Variants in CYP2C8 observed in about 807,000 individuals in gnomAD.
CYP2C8 encodes the protein cytochrome P450 2C8.
Under a neutral mutation model 41.3 loss-of-function variants are expected in CYP2C8, and 51 were observed. The ratio of observed to expected loss-of-function variants is 1.24; its 90% CI spans 0.99 to 1.56. The LOEUF (loss-of-function observed/expected upper bound fraction) is 1.56, where lower values mean the gene tolerates loss of function less well. Among genes scored for constraint, CYP2C8 ranks in the 40% most tolerant of loss-of-function variants. The probability of loss-of-function intolerance (pLI) is 0.00; values close to 1 mark genes in which losing one functional copy is unlikely to be tolerated. For synonymous variants in CYP2C8, 218 were observed against 205.8 expected (o/e 1.06, Z -0.51); for missense variants, 651 against 579.9 (o/e 1.12, Z -1.26).
chr10:95,062,339 A>T (rs2033454787), intron 4 of CYP2C8, among the ~76,000 whole-genome samples: 1 of 152,172 alleles, frequency 6.6e-6, no homozygotes, highest in Non-Finnish European at 1.5e-5. Context: ...TTGGGTGCAT[A>T]TATATTTAGG....
chr10:95,049,513 G>A (rs2033175038), intron 5 of CYP2C8, among the ~76,000 whole-genome samples: 1 of 152,068 alleles, frequency 6.6e-6, no homozygotes, highest in African/African-American at 2.4e-5. Context: ...AGGAAAACAG[G>A]CCCAAAATCA....
intron 1 of CYP2C8, 110 bp from the exon 2 acceptor site, chr10:95,067,801 C>T (rs1266391591): frequency 4.4e-6 from 5 of 1,138,172 alleles, no homozygotes; most frequent in Middle Eastern, 2.0e-4. Context: ...ATATTTGCCA[C>T]ACATAGATTC....
At chr10:95,067,947 C>G (rs1364068310) in intron 1 of CYP2C8, among the ~76,000 whole-genome samples, 1 of 152,200 alleles carries the variant, frequency 6.6e-6, no homozygotes, top group Admixed American at 6.5e-5. Flanking sequence ...TCAACACATT[C>G]AGCACATTCA....
Position 95,039,033 on chromosome 10 carries a change from T to A in CYP2C8, c.1155A>T (p.Thr385=). 1 of 1,613,612 alleles carries A rather than the reference T, an allele frequency of 6.2e-7. No individual in the cohort carries two copies. Among genetic ancestry groups the A allele is most frequent in the Non-Finnish European group, 8.5e-7 (1 of 1,179,484 alleles). Residue 385 remains threonine (T), a synonymous_variant, in exon 8 of 9, where the codon ACA becomes ACT. Coordinates refer to ENST00000371270, the MANE Select transcript of CYP2C8 (RefSeq NM_000770.3). ...CGGAAGTCAGTAATGCCATTATGGT[T>A]GTGCCCTGGAAGTAACAAAACAGAT... ...KFRNYLIPKG[T]TIMALLTSVL...
chr10:95,049,294 A>C (rs11572136), intron 5 of CYP2C8, among the ~76,000 whole-genome samples: 6,514 of 152,272 alleles, frequency 0.043, 177 homozygotes, highest in Non-Finnish European at 0.063. Context: ...TACCTTCATA[A>C]GAACCAAAAT....
chr10:95,061,660 G>T (rs922183809), intron 4 of CYP2C8, among the ~76,000 whole-genome samples: 4 of 152,108 alleles, frequency 2.6e-5, no homozygotes, highest in African/African-American at 9.7e-5. Context: ...TCTGATCTTA[G>T]TTATTTCTTG....
intron 3 of CYP2C8, among the ~76,000 whole-genome samples, chr10:95,066,153 A>AGAGAGAGAGAGAGAGAGAGT (rs1342809282): frequency 1.1e-5 from 1 of 88,286 alleles, no homozygotes; most frequent in Non-Finnish European, 2.3e-5. Context: ...AGAGAGAGAG[A>AGAGAGAGAGAGAGAGAGAGT]GTGTGTGTGT....
intron 6 of CYP2C8, 83 bp from the exon 7 acceptor site, chr10:95,043,160 T>C: frequency 1.5e-6 from 2 of 1,300,174 alleles, no homozygotes; most frequent in South Asian, 1.2e-5. Context: ...ATTAACATGA[T>C]ATAAAAATCC....
intron 2 of CYP2C8, 25 bp downstream of exon 2, chr10:95,067,504 C>A: frequency 6.2e-7 from 1 of 1,614,120 alleles, no homozygotes; most frequent in South Asian, 1.1e-5. Flanking sequence ...GTTACCAAAG[C>A]TGACACAGAA....
intron 4 of CYP2C8, among the ~76,000 whole-genome samples, chr10:95,060,985 G>A (rs150502218): frequency 6.6e-6 from 1 of 152,158 alleles, no homozygotes; most frequent in African/African-American, 2.4e-5. Flanking sequence ...GCATCCCAGG[G>A]ATGATGCCCA....
At chr10:95,040,996 C>T in intron 7 of CYP2C8, 2 of 456,046 alleles carry the variant, frequency 4.4e-6, no homozygotes, top group South Asian at 3.1e-5. Context: ...AAATTGCAGA[C>T]CAAAATATCT....
chr10:95,058,329 T>C lies in CYP2C8; in HGVS notation c.819+6A>G. ...TCAAAATACTGATCTGTTGCTAATATCTTACCTGCTCCATTTTGATCAGGA... is the reference window on the plus strand; with the variant it reads ...TCAAAATACTGATCTGTTGCTAATACCTTACCTGCTCCATTTTGATCAGGA... On this transcript the variant is annotated splice_donor_region_variant and intron_variant, in intron 5 of 8. Transcript: ENST00000371270. The C allele has an allele frequency of 6.2e-7, 1 of 1,612,798 alleles. No individual in the cohort carries two copies.
chr10:95,048,423 A>G (rs1210144812), intron 5 of CYP2C8, among the ~76,000 whole-genome samples: 3 of 152,174 alleles, frequency 2.0e-5, no homozygotes, highest in Non-Finnish European at 4.4e-5. Context: ...AGCAGGTGCA[A>G]GCACCACCTC....
chr10:95,067,422 G>A lies in CYP2C8; in HGVS notation c.332-65C>T, dbSNP rs11572075. 6.6e-4 allele frequency: 1,067 copies of A among 1,612,176 alleles called. 5 individuals carry two copies. In the African/African-American group the frequency reaches 0.012, roughly 18 times the overall value. On this transcript the variant is annotated intron_variant, in intron 2 of 8. Coordinates refer to ENST00000371270, the MANE Select transcript of CYP2C8 (RefSeq NM_000770.3). Reference sequence around the variant, plus strand: ...CAAGGAAGAAAGTGCTGCAACACTTGGCAGCCATGCAGATAGGCTAAGCTC... The same window carrying A: ...CAAGGAAGAAAGTGCTGCAACACTTAGCAGCCATGCAGATAGGCTAAGCTC...
At position 95,037,196 on chromosome 10, in the gene CYP2C8, TA is replaced by T; in HGVS notation, c.1404del (p.Asn468LysfsTer27). 6.2e-7 allele frequency: 1 copy of T among 1,613,978 alleles called. No homozygotes were observed. Among genetic ancestry groups the T allele is most frequent in the Non-Finnish European group, 8.5e-7 (1 of 1,179,882 alleles). Reference sequence around the variant, plus strand: ...ACAATCCCTTTGGTAACTGCAGTAGTATTGAGGTTCTTTAAATCATCAACAG... The same window carrying T: ...ACAATCCCTTTGGTAACTGCAGTAGTTTGAGGTTCTTTAAATCATCAACAG... The part of the protein sequence containing the change: ...LKSVDDLKNL[N>X]TTAVTKGIVS... On this transcript the variant is annotated frameshift_variant, in exon 9 of 9. Coordinates refer to ENST00000371270, the MANE Select transcript of CYP2C8 (RefSeq NM_000770.3). LOFTEE classifies it low-confidence loss of function (END_TRUNC).
intron 7 of CYP2C8, among the ~76,000 whole-genome samples, chr10:95,041,993 A>G (rs1014723141): frequency 6.6e-6 from 1 of 152,136 alleles, no homozygotes; most frequent in African/African-American, 2.4e-5. Flanking sequence ...TATCATTTCA[A>G]ACCATATTCG....
intron 5 of CYP2C8, among the ~76,000 whole-genome samples, chr10:95,051,725 A>G (rs1389618801): frequency 6.6e-6 from 1 of 152,086 alleles, no homozygotes; most frequent in Non-Finnish European, 1.5e-5. Context: ...GAACAGTGGG[A>G]CAATGAAGAA....
At chr10:95,065,099 G>T in intron 3 of CYP2C8, 139 bp from the exon 4 acceptor site, 1 of 744,068 alleles carries the variant, frequency 1.3e-6, no homozygotes, top group Non-Finnish European at 1.9e-6. Context: ...AAATCAGCAT[G>T]GATGAAATAA....
chr10:95,048,778 G>A (rs1277082460), intron 5 of CYP2C8, among the ~76,000 whole-genome samples: 3 of 152,098 alleles, frequency 2.0e-5, no homozygotes, highest in Non-Finnish European at 4.4e-5. Flanking sequence ...ACATGTAGAA[G>A]AATGAAATAT....
Sources: gnomAD v4.1 joint callset for allele counts (sites outside exome capture counted in the v4.1 genomes callset) on GRCh38, gnomAD v4.1.1 for gene constraint, MANE v1.5 for transcripts, NCBI Gene and HGNC (gene_info 2026-07-23, HGNC 2026-07-21) for gene names.